Variants in SIAH3 observed in about 807,000 individuals in gnomAD.
SIAH3 encodes seven in absentia homolog 3.
A neutral mutation model predicts 12.6 loss-of-function variants in SIAH3; 9 were observed. The ratio of observed to expected loss-of-function variants is 0.72; its 90% CI spans 0.43 to 1.25. SIAH3 has a LOEUF of 1.25. SIAH3 is among the 50% of genes most tolerant of loss of function. SIAH3 has a pLI of 0.00. For synonymous variants in SIAH3, 154 were observed against 151.1 expected (o/e 1.02, Z -0.14); for missense variants, 390 against 365.4 (o/e 1.07, Z -0.55).
chr13:45,851,414 C>T (rs1194054326), intron 1 of SIAH3, 81 bp downstream of exon 1: 10 of 1,583,170 alleles, frequency 6.3e-6, no homozygotes, highest in Non-Finnish European at 8.6e-6. Flanking sequence ...GGGCTGCACA[C>T]GTTCGCCGGA....
chr13:45,840,279 A>G (rs1188546047), intron 1 of SIAH3, among the ~76,000 whole-genome samples: 2 of 152,060 alleles, frequency 1.3e-5, no homozygotes, highest in Admixed American at 1.3e-4. Context: ...ACGAGAAACC[A>G]CAAGCTAAAC....
chr13:45,778,138 C>T lies in SIAH3; in HGVS notation c.*5245G>A, dbSNP rs915786066. On this transcript the variant is annotated 3_prime_UTR_variant, in exon 2 of 2. Transcript: ENST00000400405. Reference sequence around the variant, plus strand: ...TTCTGTCCCTCAGCTTCATGCTTTACGGGGGTCCCACTTTTGTGATAATGC... The same window carrying T: ...TTCTGTCCCTCAGCTTCATGCTTTATGGGGGTCCCACTTTTGTGATAATGC... 33 of 152,268 alleles carry T rather than the reference C, an allele frequency of 2.2e-4. No homozygotes were observed. Among genetic ancestry groups the T allele is most frequent in the African/African-American group, 7.7e-4 (32 of 41,554 alleles). The allele number at this position is 152,268 out of a possible 1,614,324, so 9.4% of individuals were successfully genotyped here. A position where few individuals can be genotyped will look rare whatever the true frequency, so the allele number is the denominator to read the frequency against.
chr13:45,783,985 G>A lies in SIAH3; in HGVS notation c.208C>T (p.His70Tyr), dbSNP rs757453891. The A allele has an allele frequency of 1.2e-6, 2 of 1,606,488 alleles. 1 individual carries two copies. Among genetic ancestry groups the A allele is most frequent in the Non-Finnish European group, 1.7e-6 (2 of 1,176,456 alleles). The change falls in exon 2 of 2, where the codon CAC (histidine) becomes TAC (tyrosine). Residue 70 changes from histidine (H) to tyrosine (Y), a missense_variant. Coordinates refer to ENST00000400405, the MANE Select transcript of SIAH3 (RefSeq NM_198849.3). ...TGGTGGCGGTGGTGGCAGTGGTGGT[G>A]GGAGAGATGGTGAGGGTGGAAGCTG... ...QGSFHPHHLS[H>Y]HHCHHRHHHH...
At position 45,783,960 on chromosome 13, in the gene SIAH3, T is replaced by TGGCGGA; in HGVS notation, c.232_233insTCCGCC (p.His77_His78insLeuArg). ...GTGGGCGTGGTGGCGGAGGTGGTGG[T>TGGCGGA]GGTGGCGGTGGTGGCAGTGGTGGTG... On this transcript the variant is annotated inframe_insertion, in exon 2 of 2. Coordinates refer to ENST00000400405, the MANE Select transcript of SIAH3 (RefSeq NM_198849.3). 6.2e-7 allele frequency: 1 copy of TGGCGGA among 1,603,542 alleles called. No individual in the cohort carries two copies. Among genetic ancestry groups the TGGCGGA allele is most frequent in the Non-Finnish European group, 8.5e-7 (1 of 1,175,312 alleles).
intron 1 of SIAH3, among the ~76,000 whole-genome samples, chr13:45,795,255 C>A (rs1950558695): frequency 6.6e-6 from 1 of 152,126 alleles, no homozygotes; most frequent in South Asian, 2.1e-4. Flanking sequence ...AAGCTCACTC[C>A]CAGAGATACA....
At chr13:45,822,520 AATATATATAT>A (rs36106322) in intron 1 of SIAH3, among the ~76,000 whole-genome samples, 1,510 of 85,410 alleles carry the variant, frequency 0.018, 57 homozygotes, top group East Asian at 0.075. Context: ...TTCATTATCA[AATATATATAT>A]ATATATATAT....
chr13:45,787,407 C>T (rs1593374896), intron 1 of SIAH3, among the ~76,000 whole-genome samples: 1 of 152,292 alleles, frequency 6.6e-6, no homozygotes, highest in East Asian at 1.9e-4. Flanking sequence ...TGTTCCTATC[C>T]TGCCTCACTA....
chr13:45,806,545 A>G (rs1464340198), intron 1 of SIAH3, among the ~76,000 whole-genome samples: 1 of 152,190 alleles, frequency 6.6e-6, no homozygotes, highest in Non-Finnish European at 1.5e-5. Flanking sequence ...AGATGGCACC[A>G]ATAGACATTG....
rs889858091 is a variant in SIAH3 at position 45,847,239 on chromosome 13, A to G, written c.135+4256T>C. The stretch of plus-strand genomic sequence containing the variant: ...TTTAACTGCTGTAAAGTAGGTATTC[A>G]CGCAGAACACTCCAAAGGCCACCTC... On this transcript the variant is annotated intron_variant, in intron 1 of 1. Coordinates refer to ENST00000400405, the MANE Select transcript of SIAH3 (RefSeq NM_198849.3). Among the ~76,000 whole-genome samples, 14 of 152,324 alleles carry G rather than the reference A, an allele frequency of 9.2e-5. No homozygotes were observed. The Middle Eastern group carries it at 0.01, about 111-fold the overall frequency.
At chr13:45,844,315 G>T (rs1364772135) in intron 1 of SIAH3, among the ~76,000 whole-genome samples, 1 of 152,180 alleles carries the variant, frequency 6.6e-6, no homozygotes, top group Non-Finnish European at 1.5e-5. Flanking sequence ...CTCAGTGTTG[G>T]TGGGCACCAT....
chr13:45,816,489 C>T (rs375470207), intron 1 of SIAH3, among the ~76,000 whole-genome samples: 1 of 152,198 alleles, frequency 6.6e-6, no homozygotes, highest in African/African-American at 2.4e-5. Flanking sequence ...AAAAGCCTTG[C>T]TATAAATTAC....
intron 1 of SIAH3, among the ~76,000 whole-genome samples, chr13:45,824,713 T>A (rs1443761481): frequency 1.3e-5 from 2 of 152,134 alleles, no homozygotes; most frequent in Admixed American, 1.3e-4. Flanking sequence ...TATAATTTGT[T>A]AAAGCAGCGC....
At chr13:45,833,460 A>T (rs1288993651) in intron 1 of SIAH3, among the ~76,000 whole-genome samples, 2 of 150,816 alleles carry the variant, frequency 1.3e-5, no homozygotes, top group Admixed American at 1.3e-4. Context: ...TAGCTTTGCA[A>T]GAAATTACAC....
intron 1 of SIAH3, among the ~76,000 whole-genome samples, chr13:45,810,985 G>T (rs1011576385): frequency 6.6e-6 from 1 of 152,208 alleles, no homozygotes; most frequent in African/African-American, 2.4e-5. Flanking sequence ...GTTCTGGTAT[G>T]ACTGACAGAG....
At chr13:45,850,404 C>G (rs1036043977) in intron 1 of SIAH3, among the ~76,000 whole-genome samples, 1 of 152,184 alleles carries the variant, frequency 6.6e-6, no homozygotes, top group East Asian at 1.9e-4. Context: ...CAGATCTATC[C>G]TCACAGAGAC....
rs549578887 is a variant in SIAH3, at chr13:45,816,735, C to T, written c.136-32678G>A. On this transcript the variant is annotated intron_variant, in intron 1 of 1. Coordinates refer to ENST00000400405, the MANE Select transcript of SIAH3 (RefSeq NM_198849.3). ...GCAGCATTTAACTGCCCCTCACCTG[C>T]TCCAAGACAGCCAATCCAGTGTGAC... Among the ~76,000 whole-genome samples the T allele has an allele frequency of 2.2e-4, 33 of 152,354 alleles. No homozygotes were observed. In the South Asian group the frequency reaches 6.4e-3, roughly 30 times the overall value.
chr13:45,819,819 G>T (rs1277082988), intron 1 of SIAH3, among the ~76,000 whole-genome samples: 1 of 152,132 alleles, frequency 6.6e-6, no homozygotes, highest in Non-Finnish European at 1.5e-5. Flanking sequence ...CAGGACTTCT[G>T]CCCTCCTCTC....
chr13:45,808,705 G>T (rs904886623), intron 1 of SIAH3, among the ~76,000 whole-genome samples: 1 of 41,460 alleles, frequency 2.4e-5, no homozygotes, highest in Admixed American at 2.9e-4. Context: ...CCATATGTAC[G>T]TGCATACTTT....
intron 1 of SIAH3, among the ~76,000 whole-genome samples, chr13:45,850,278 G>A (rs1010874521): frequency 3.3e-5 from 5 of 152,178 alleles, no homozygotes; most frequent in African/African-American, 9.7e-5. Flanking sequence ...AGGAGTGGGG[G>A]CACCCATCAG....
Sources: gnomAD v4.1 joint callset for allele counts (sites outside exome capture counted in the v4.1 genomes callset) on GRCh38, gnomAD v4.1.1 for gene constraint, MANE v1.5 for transcripts, NCBI Gene and HGNC (gene_info 2026-07-23, HGNC 2026-07-21) for gene names.